ARB2A: variants seen among roughly 807,000 people sequenced by gnomAD.
ARB2A encodes ARB2 cotranscriptional regulator A, also known as cotranscriptional regulator ARB2A.
the ARB2A span, among the ~76,000 whole-genome samples, chr5:93,909,601 A>C: frequency 4.6e-5 from 7 of 151,026 alleles, no homozygotes; most frequent in Non-Finnish European, 1.0e-4. Flanking sequence ...TCTAACATTT[A>C]AAAATAGAAT....
At chr5:93,873,213 G>A in the ARB2A span, among the ~76,000 whole-genome samples, 4 of 149,372 alleles carry the variant, frequency 2.7e-5, no homozygotes, top group African/African-American at 7.4e-5. Context: ...GATTGCTTGA[G>A]GCCAGGAGTT....
the ARB2A span, among the ~76,000 whole-genome samples, chr5:93,815,964 T>C: frequency 6.6e-6 from 1 of 152,130 alleles, no homozygotes; most frequent in Non-Finnish European, 1.5e-5. Context: ...TATCCTGAAC[T>C]CTAGTAATAA....
chr5:93,994,310 C>T, the ARB2A span, among the ~76,000 whole-genome samples: 1 of 152,134 alleles, frequency 6.6e-6, no homozygotes, highest in Non-Finnish European at 1.5e-5. Flanking sequence ...ATGGTTCACA[C>T]ACACAATGAA....
At chr5:93,945,522 T>A in the ARB2A span, among the ~76,000 whole-genome samples, 1 of 151,934 alleles carries the variant, frequency 6.6e-6, no homozygotes, top group Non-Finnish European at 1.5e-5. Context: ...ATCAGAAATC[T>A]GCATAATGAT....
the ARB2A span, among the ~76,000 whole-genome samples, chr5:93,748,869 T>C: frequency 6.6e-6 from 1 of 152,180 alleles, no homozygotes; most frequent in Admixed American, 6.5e-5. Flanking sequence ...TAAAGTAGAT[T>C]GATCAGTACT....
the ARB2A span, among the ~76,000 whole-genome samples, chr5:94,090,581 G>C: frequency 6.6e-6 from 1 of 152,166 alleles, no homozygotes; most frequent in Admixed American, 6.5e-5. Flanking sequence ...AGTGGTGAGA[G>C]AGGGCATCCT....
chr5:93,835,083 TTTACCC>T, the ARB2A span, among the ~76,000 whole-genome samples: 278 of 152,312 alleles, frequency 1.8e-3, 2 homozygotes, highest in African/African-American at 5.7e-3. Context: ...GCATAGGATA[TTTACCC>T]TAGAATTCTG....
the ARB2A span, among the ~76,000 whole-genome samples, chr5:94,029,743 A>C: frequency 6.6e-6 from 1 of 152,184 alleles, no homozygotes; most frequent in African/African-American, 2.4e-5. Context: ...GTACTGTGCA[A>C]ATATTCTATT....
the ARB2A span, among the ~76,000 whole-genome samples, chr5:93,788,138 T>C: frequency 2.6e-5 from 4 of 152,148 alleles, no homozygotes; most frequent in Admixed American, 1.3e-4. Flanking sequence ...TTGAACAGAT[T>C]AAAAGCATAT....
the ARB2A span, among the ~76,000 whole-genome samples, chr5:94,062,217 TA>T: frequency 5.9e-5 from 9 of 152,040 alleles, no homozygotes; most frequent in African/African-American, 2.2e-4. Context: ...ATCAAAATGA[TA>T]AAAATGAACC....
chr5:93,725,682 G>C, the ARB2A span, among the ~76,000 whole-genome samples: 1 of 151,956 alleles, frequency 6.6e-6, no homozygotes, highest in Non-Finnish European at 1.5e-5. Flanking sequence ...TTGTTAAAAA[G>C]ATAGATACCA....
At chr5:93,916,586 T>G in the ARB2A span, among the ~76,000 whole-genome samples, 1 of 152,260 alleles carries the variant, frequency 6.6e-6, no homozygotes, top group South Asian at 2.1e-4. Context: ...AATAGTCACA[T>G]TTTGTTCCAT....
the ARB2A span, among the ~76,000 whole-genome samples, chr5:93,847,364 G>C: frequency 6.6e-6 from 1 of 152,058 alleles, no homozygotes; most frequent in Non-Finnish European, 1.5e-5. Context: ...CAGCAGTTCT[G>C]ATTTTAGAAT....
the ARB2A span, among the ~76,000 whole-genome samples, chr5:93,867,441 C>T: frequency 1.2e-4 from 18 of 152,040 alleles, no homozygotes; most frequent in East Asian, 1.2e-3. Flanking sequence ...TATTTATTTA[C>T]GGAGTCTCGC....
At chr5:93,859,394 T>C in the ARB2A span, among the ~76,000 whole-genome samples, 1 of 151,154 alleles carries the variant, frequency 6.6e-6, no homozygotes, top group African/African-American at 2.4e-5. Context: ...AACCTAAATG[T>C]GAAAGGAAAA....
chr5:94,012,363 C>T, the ARB2A span, among the ~76,000 whole-genome samples: 1 of 152,218 alleles, frequency 6.6e-6, no homozygotes, highest in Non-Finnish European at 1.5e-5. Context: ...AATCGCGCCA[C>T]TGCACTCCAG....
At chr5:93,811,340 A>T in the ARB2A span, among the ~76,000 whole-genome samples, 2 of 152,180 alleles carry the variant, frequency 1.3e-5, no homozygotes, top group African/African-American at 4.8e-5. Flanking sequence ...AATGATTTGG[A>T]GACTGTCTAA....
At chr5:93,794,729 A>G in the ARB2A span, among the ~76,000 whole-genome samples, 3 of 151,724 alleles carry the variant, frequency 2.0e-5, no homozygotes, top group Admixed American at 6.6e-5. Flanking sequence ...TCTGGTTGGT[A>G]CTGGGAGTGT....
chr5:93,881,532 C>T, the ARB2A span: 2 of 1,610,908 alleles, frequency 1.2e-6, no homozygotes, highest in Non-Finnish European at 1.7e-6. Context: ...TCATAGAAAT[C>T]ACGTCGCTTC....
Sources: gnomAD v4.1 joint callset for allele counts (sites outside exome capture counted in the v4.1 genomes callset) on GRCh38, gnomAD v4.1.1 for gene constraint, MANE v1.5 for transcripts, NCBI Gene and HGNC (gene_info 2026-07-23, HGNC 2026-07-21) for gene names.